Variants in MBD2 observed in about 807,000 individuals in gnomAD.
MBD2 encodes the protein methyl-CpG binding domain protein 2, also known as methyl-CpG-binding domain protein 2.
In MBD2, 9 loss-of-function variants were observed where a neutral mutation model predicts 39.3. That is an observed-to-expected ratio of 0.23 (90% confidence interval 0.14 to 0.40). The LOEUF (loss-of-function observed/expected upper bound fraction) is 0.40, where lower values mean the gene tolerates loss of function less well. Among genes scored for constraint, MBD2 ranks in the 10% least tolerant of loss-of-function variants. The probability of loss-of-function intolerance (pLI) is 1.00; values close to 1 mark genes in which losing one functional copy is unlikely to be tolerated. For synonymous variants in MBD2, 233 were observed against 211.1 expected (o/e 1.10, Z -0.90); for missense variants, 458 against 532.6 (o/e 0.86, Z 1.38).
At chr18:54,165,470 A>G (rs1392065031) in intron 4 of MBD2, among the ~76,000 whole-genome samples, 1 of 152,210 alleles carries the variant, frequency 6.6e-6, no homozygotes, top group Non-Finnish European at 1.5e-5. Context: ...TCCACAATAT[A>G]TCAAGCTTTA....
chr18:54,166,020 G>T, intron 4 of MBD2, 56 bp downstream of exon 4: 2 of 1,182,938 alleles, frequency 1.7e-6, no homozygotes, highest in Admixed American at 1.8e-5. Flanking sequence ...CTAACAGAGT[G>T]CCTGGCATGC....
Position 54,166,088 on chromosome 18 carries a change from T to C in MBD2, c.919A>G (p.Lys307Glu), listed in dbSNP as rs1372742758. 2 of 1,611,034 alleles carry C rather than the reference T, an allele frequency of 1.2e-6. No homozygotes were observed. The highest frequency in any genetic ancestry group is 1.7e-6 in the Non-Finnish European group (2 of 1,177,264). ...EQIIKTMELP[K>E]GLQGVGPGSN... ...ACTTAGATAATACCTTGAAGACCTT[T>C]GGGTAGTTCCATGGTTTTTATAATT... The change falls in exon 4 of 7, where the codon AAA becomes GAA. Residue 307 changes from lysine (K) to glutamate (E), a missense_variant. Lys to Glu is a moderately conservative substitution (Grantham distance 56). Coordinates refer to ENST00000256429, the MANE Select transcript of MBD2 (RefSeq NM_003927.5).
At chr18:54,166,280 C>A (rs1163805750) in intron 3 of MBD2, 114 bp from the exon 4 acceptor site, 2 of 667,538 alleles carry the variant, frequency 3.0e-6, no homozygotes, top group Non-Finnish European at 2.6e-6. Context: ...ATAATTTCCT[C>A]ATTTTTTCCT....
chr18:54,176,903 A>C (rs547175339), intron 3 of MBD2, among the ~76,000 whole-genome samples: 2 of 152,358 alleles, frequency 1.3e-5, no homozygotes, highest in South Asian at 4.1e-4. Context: ...GCTAAACAGG[A>C]TAGATGAATA....
rs2086438030 is a variant in MBD2, at chr18:54,205,012, G to C, written c.688C>G (p.Leu230Val). The change falls in exon 2 of 7, where the codon CTC becomes GTC. Residue 230 changes from leucine to valine, a missense_variant. Physicochemically the swap from Leu to Val is conservative, Grantham distance 32. Transcript: ENST00000256429. ...AATTAACCAACCTTATTTTGATTGA[G>C]AGGATCGTTTCGCAGTCTCTGTTTG... Reference protein sequence around the residue: ...KNKQRLRNDPLNQNKGKPDLN... With the variant: ...KNKQRLRNDPVNQNKGKPDLN... 1 of 1,613,410 alleles carries C rather than the reference G, an allele frequency of 6.2e-7. No homozygotes were observed. The highest frequency in any genetic ancestry group is 8.5e-7 in the Non-Finnish European group (1 of 1,179,796).
chr18:54,211,896 C>T (rs998528673), intron 1 of MBD2, among the ~76,000 whole-genome samples: 4 of 151,240 alleles, frequency 2.6e-5, no homozygotes, highest in African/African-American at 9.8e-5. Context: ...CGCACTGTAG[C>T]CCAGGCTGGA....
chr18:54,204,526 A>C (rs2086434071), intron 2 of MBD2, among the ~76,000 whole-genome samples: 1 of 152,218 alleles, frequency 6.6e-6, no homozygotes, highest in South Asian at 2.1e-4. Context: ...CTAACGGAAA[A>C]ATATCCAAAC....
At chr18:54,213,852 ATGTGTG>A (rs946744123) in intron 1 of MBD2, among the ~76,000 whole-genome samples, 1 of 152,166 alleles carries the variant, frequency 6.6e-6, no homozygotes, top group African/African-American at 2.4e-5. Flanking sequence ...ATGTAGGTAT[ATGTGTG>A]TGTGTATACA....
In MBD2 at chr18:54,175,485, C is replaced by T. The variant is rs139848911; in HGVS notation, c.841-9319G>A. Among the ~76,000 whole-genome samples the T allele has an allele frequency of 2.1e-3, 317 of 152,298 alleles. 1 individual carries two copies. The highest frequency in any genetic ancestry group is 6.8e-3 in the Middle Eastern group (2 of 294). ...CATCTTCTACCTCCTCCTCATCTTGCCCCATCAATTTGCCCAACTTCTCTT... is the reference window on the plus strand; with the variant it reads ...CATCTTCTACCTCCTCCTCATCTTGTCCCATCAATTTGCCCAACTTCTCTT... On this transcript the variant is annotated intron_variant, in intron 3 of 6. Coordinates refer to ENST00000256429, the MANE Select transcript of MBD2 (RefSeq NM_003927.5).
chr18:54,166,244 A>G (rs1272974400), intron 3 of MBD2, 78 bp from the exon 4 acceptor site: 12 of 825,724 alleles, frequency 1.5e-5, no homozygotes, highest in African/African-American at 3.5e-5. Flanking sequence ...TGAATAATGA[A>G]ATTTAAATCA....
chr18:54,198,913 T>A (rs771817241), intron 2 of MBD2, among the ~76,000 whole-genome samples: 4 of 152,162 alleles, frequency 2.6e-5, no homozygotes, highest in Non-Finnish European at 4.4e-5. Flanking sequence ...TTCTTCTCAT[T>A]CAAGCTTCTT....
At position 54,153,777 on chromosome 18, in the gene MBD2, T is replaced by G. The variant is rs942123954; in HGVS notation, c.*1547A>C. On this transcript the variant is annotated 3_prime_UTR_variant, in exon 7 of 7. Coordinates refer to ENST00000256429, the MANE Select transcript of MBD2 (RefSeq NM_003927.5). ...CAATTGGCTTCCCAGGGTCTACAAG[T>G]TTCCCTGCTCATCCACCAGCAGGAC... 3 of 152,196 alleles carry G rather than the reference T, an allele frequency of 2.0e-5. No homozygotes were observed. Among genetic ancestry groups the G allele is most frequent in the African/African-American group, 7.2e-5 (3 of 41,426 alleles). The allele number at this position is 152,196 out of a possible 1,614,324, so 9.4% of individuals were successfully genotyped here.
In MBD2 at chr18:54,224,630, G is replaced by A; in HGVS notation, c.-71C>T. On this transcript the variant is annotated 5_prime_UTR_variant, in exon 1 of 7. Transcript: ENST00000256429. ...CCTTGGAATCCCGGAGACCCGCCCC[G>A]CCCGCAGCGCGGCGCGCGGGGGACG... 1 of 1,108,230 alleles carries A rather than the reference G, an allele frequency of 9.0e-7. No homozygotes were observed. Among genetic ancestry groups the A allele is most frequent in the Non-Finnish European group, 1.1e-6 (1 of 876,070 alleles). The allele number at this position is 1,108,230 out of a possible 1,614,324, so 68.6% of individuals were successfully genotyped here.
chr18:54,160,650 TAAA>T (rs574101659), intron 5 of MBD2, among the ~76,000 whole-genome samples: 1 of 74,510 alleles, frequency 1.3e-5, no homozygotes, highest in Non-Finnish European at 2.8e-5. Context: ...CTTTAAAAAG[TAAA>T]AAAAAAAAAA....
In MBD2 at chr18:54,224,490, T is replaced by C; in HGVS notation, c.70A>G (p.Ser24Gly). Residue 24 changes from serine (S) to glycine (G), a missense_variant, in exon 1 of 7, where the codon AGC (serine) becomes GGC (glycine). Coordinates refer to ENST00000256429, the MANE Select transcript of MBD2 (RefSeq NM_003927.5). ...ATGGCGGAGTCGCCGCCAGCGCCGC[T>C]GCCGCCCGCCGCACTCTCCCCCTCC... is the stretch of plus-strand genomic sequence containing the variant. ...QEEGESAAGG[S>G]GAGGDSAIEQ... The C allele has an allele frequency of 2.4e-6, 3 of 1,230,628 alleles. No individual in the cohort carries two copies. The highest frequency in any genetic ancestry group is 7.7e-5 in the South Asian group (2 of 25,870). 76.2% of individuals were successfully genotyped at this position (1,230,628 alleles called of 1,614,324 possible). A position where few individuals can be genotyped will look rare whatever the true frequency, so the allele number is the denominator to read the frequency against.
intron 3 of MBD2, among the ~76,000 whole-genome samples, chr18:54,188,035 A>T (rs2086295921): frequency 6.6e-6 from 1 of 152,208 alleles, no homozygotes; most frequent in Non-Finnish European, 1.5e-5. Flanking sequence ...AGCAAAAGAT[A>T]ACCGTCGTAG....
Position 54,224,496 on chromosome 18 carries a change from C to T in MBD2, c.64G>A (p.Gly22Ser), listed in dbSNP as rs948964672. The change falls in exon 1 of 7, where the codon GGC becomes AGC. Residue 22 changes from glycine (G) to serine (S), a missense_variant. Coordinates refer to ENST00000256429, the MANE Select transcript of MBD2 (RefSeq NM_003927.5). ...PEQEEGESAAGGSGAGGDSAI... is the reference protein window; with the variant it reads ...PEQEEGESAASGSGAGGDSAI... ...GAGTCGCCGCCAGCGCCGCTGCCGC[C>T]CGCCGCACTCTCCCCCTCCTCCTGC... is the stretch of plus-strand genomic sequence containing the variant. 8.1e-7 allele frequency: 1 copy of T among 1,235,622 alleles called. No individual in the cohort carries two copies. Among genetic ancestry groups the T allele is most frequent in the Non-Finnish European group, 1.0e-6 (1 of 991,136 alleles). 76.5% of individuals were successfully genotyped at this position (1,235,622 alleles called of 1,614,324 possible). A position where few individuals can be genotyped will look rare whatever the true frequency, so the allele number is the denominator to read the frequency against.
In MBD2 at chr18:54,204,992, A is replaced by C. The variant is rs777411863; in HGVS notation, c.702+6T>G. 1.2e-6 allele frequency: 2 copies of C among 1,611,642 alleles called. No homozygotes were observed. Among genetic ancestry groups the C allele is most frequent in the Non-Finnish European group, 1.7e-6 (2 of 1,179,070 alleles). On this transcript the variant is annotated splice_donor_region_variant and intron_variant, in intron 2 of 6. Coordinates refer to ENST00000256429, the MANE Select transcript of MBD2 (RefSeq NM_003927.5). Reference sequence around the variant, plus strand: ...GCATATACATGCGATAAGTAAATTAACCAACCTTATTTTGATTGAGAGGAT... The same window carrying C: ...GCATATACATGCGATAAGTAAATTACCCAACCTTATTTTGATTGAGAGGAT...
intron 3 of MBD2, among the ~76,000 whole-genome samples, chr18:54,184,111 A>T (rs2086267913): frequency 6.6e-6 from 1 of 152,078 alleles, no homozygotes; most frequent in African/African-American, 2.4e-5. Flanking sequence ...GCCCTTTTAA[A>T]CTACTGAATT....
Sources: allele counts gnomAD v4.1 joint callset (sites outside exome capture counted in the v4.1 genomes callset), GRCh38; gene constraint gnomAD v4.1.1; transcripts MANE v1.5; gene names NCBI Gene and HGNC (gene_info 2026-07-23, HGNC 2026-07-21).